FMN1: variants seen among roughly 807,000 people sequenced by gnomAD.
FMN1 encodes the protein formin 1, also known as formin-1.
A neutral mutation model predicts 132.4 loss-of-function variants in FMN1; 110 were observed. The observed-to-expected ratio is 0.83, with a 90% CI of 0.71 to 0.97. The LOEUF is 0.97. Ranked by LOEUF, FMN1 falls within the 50% of genes least tolerant of loss-of-function variation. The pLI is 0.00. For synonymous variants in FMN1, 722 were observed against 651.7 expected (o/e 1.11, Z -1.64); for missense variants, 1,792 against 1,705.3 (o/e 1.05, Z -0.90).
At chr15:32,819,838 G>C (rs1432078526) in intron 17 of FMN1, among the ~76,000 whole-genome samples, 1 of 152,042 alleles carries the variant, frequency 6.6e-6, no homozygotes, top group Non-Finnish European at 1.5e-5. Context: ...GTTATTATTG[G>C]CAATTATTTT....
rs1158293788 is a variant in FMN1 at position 32,969,213 on chromosome 15, G to A, written c.2488C>T (p.Pro830Ser). The change falls in exon 8 of 21, where the codon CCC becomes TCC. Residue 830 changes from proline to serine, a missense_variant. By Grantham distance (74) the Pro-to-Ser change is moderately conservative (BLOSUM62 -1). Transcript: ENST00000616417. The part of the protein sequence containing the change: ...SKTTRSNQLV[P>S]KKLNISSLSQ... ...AAAGAGGAGATATTCAGCTTTTTGGGTACTAATTGATTACTTCTGGTTGTC... is the reference window on the plus strand; with the variant it reads ...AAAGAGGAGATATTCAGCTTTTTGGATACTAATTGATTACTTCTGGTTGTC... 1 of 1,613,874 alleles carries A rather than the reference G, an allele frequency of 6.2e-7. No individual in the cohort carries two copies. The highest frequency in any genetic ancestry group is 8.5e-7 in the Non-Finnish European group (1 of 1,179,868).
At chr15:33,077,408 A>G (rs1367733783) in intron 5 of FMN1, among the ~76,000 whole-genome samples, 1 of 150,084 alleles carries the variant, frequency 6.7e-6, no homozygotes, top group African/African-American at 2.5e-5. Flanking sequence ...GAACATGTGC[A>G]CAACATGCAG....
intron 7 of FMN1, among the ~76,000 whole-genome samples, chr15:32,981,329 A>C (rs760304835): frequency 1.4e-4 from 21 of 151,894 alleles, no homozygotes; most frequent in Non-Finnish European, 2.8e-4. Flanking sequence ...GTCTCTACTA[A>C]AAATACGAAA....
chr15:33,004,522 T>G (rs1228010722), intron 7 of FMN1, among the ~76,000 whole-genome samples: 2 of 152,104 alleles, frequency 1.3e-5, no homozygotes, highest in Non-Finnish European at 2.9e-5. Context: ...ATGGCGATCA[T>G]TAAAGTCAGG....
chr15:32,838,982 C>T (rs749784167), intron 17 of FMN1, among the ~76,000 whole-genome samples: 3 of 152,114 alleles, frequency 2.0e-5, no homozygotes, highest in Non-Finnish European at 4.4e-5. Context: ...CTGACACAGC[C>T]ACTAATTGCC....
At chr15:32,784,372 G>C (rs1321700618) in intron 19 of FMN1, among the ~76,000 whole-genome samples, 1 of 150,202 alleles carries the variant, frequency 6.7e-6, no homozygotes, top group Non-Finnish European at 1.5e-5. Context: ...AAAGAGGTCT[G>C]CTTTTTTTTT....
At chr15:32,825,725 A>G (rs2058347582) in intron 17 of FMN1, among the ~76,000 whole-genome samples, 1 of 152,138 alleles carries the variant, frequency 6.6e-6, no homozygotes, top group South Asian at 2.1e-4. Flanking sequence ...GGCTGAAGAA[A>G]TTTTCTCTAT....
intron 15 of FMN1, among the ~76,000 whole-genome samples, chr15:32,898,256 C>A (rs2060207094): frequency 1.3e-5 from 2 of 152,178 alleles, no homozygotes; most frequent in South Asian, 2.1e-4. Context: ...TAACATCTTA[C>A]AACAATACCT....
intron 6 of FMN1, among the ~76,000 whole-genome samples, chr15:33,017,051 G>C (rs984739815): frequency 2.6e-5 from 4 of 151,870 alleles, no homozygotes; most frequent in African/African-American, 7.3e-5. Context: ...CATCAATATT[G>C]GCATCTCAAT....
rs1195972796 is a variant in FMN1 at position 32,965,244 on chromosome 15, C to G, written c.2988-987G>C. ...GAAACCCCATCTCTACTAAAAAATA[C>G]AAAAAATTAGCTGGGCGTGGTGGTG... On this transcript the variant is annotated intron_variant, in intron 8 of 20. Coordinates refer to ENST00000616417, the MANE Select transcript of FMN1 (RefSeq NM_001277313.2). 2.6e-5 allele frequency among the ~76,000 whole-genome samples: 4 copies of G among 151,926 alleles called. No homozygotes were observed. The East Asian group carries it at 7.8e-4, about 30-fold the overall frequency.
rs960971633 is a variant in FMN1 at position 32,886,685 on chromosome 15, A to C, written c.3835+1487T>G. ...GAGAGGTCAGGCCAAGGGTTTCACA[A>C]GGGGCCAAGAGACAAGAGGGAATGG... On this transcript the variant is annotated intron_variant, in intron 16 of 20. Transcript: ENST00000616417. 4.6e-5 allele frequency among the ~76,000 whole-genome samples: 7 copies of C among 152,326 alleles called. 1 individual carries two copies. Among genetic ancestry groups the C allele is most frequent in the Admixed American group, 3.9e-4 (6 of 15,306 alleles).
intron 19 of FMN1, among the ~76,000 whole-genome samples, chr15:32,788,827 T>G (rs961106865): frequency 6.6e-6 from 1 of 152,206 alleles, no homozygotes; most frequent in Non-Finnish European, 1.5e-5. Flanking sequence ...ACTTCCTTCT[T>G]TTTTTCTAAA....
intron 19 of FMN1, among the ~76,000 whole-genome samples, chr15:32,783,739 T>G (rs1382580449): frequency 1.3e-5 from 1 of 74,372 alleles, no homozygotes; most frequent in Non-Finnish European, 2.3e-5. Context: ...AGCGAGACTC[T>G]GTTTCAAAAA....
chr15:33,128,638 A>C (rs1174559617), intron 4 of FMN1, among the ~76,000 whole-genome samples: 5 of 152,210 alleles, frequency 3.3e-5, no homozygotes, highest in African/African-American at 1.2e-4. Flanking sequence ...TACAGCTCTT[A>C]AAGACGGTGC....
At chr15:32,970,071 T>A (rs1353064173) in intron 7 of FMN1, among the ~76,000 whole-genome samples, 1 of 152,148 alleles carries the variant, frequency 6.6e-6, no homozygotes, top group Non-Finnish European at 1.5e-5. Context: ...TAGCAATAAA[T>A]AAGGAACAGA....
chr15:32,941,622 A>G (rs1302871301), intron 9 of FMN1, among the ~76,000 whole-genome samples: 1 of 152,152 alleles, frequency 6.6e-6, no homozygotes, highest in Admixed American at 6.6e-5. Context: ...CCTCATATGC[A>G]TATTACCTGA....
Position 33,120,287 on chromosome 15 carries a change from A to G in FMN1, c.1868-31313T>C, listed in dbSNP as rs563086027. Among the ~76,000 whole-genome samples the G allele has an allele frequency of 3.3e-4, 50 of 152,324 alleles. 1 individual carries two copies. The highest frequency in any genetic ancestry group is 3.4e-3 in the Middle Eastern group (1 of 294). ...TTTACAAAACTTGGCACACCCTGCTAAAGATAGCAGATGTGCTAACTCCAG... is the reference window on the plus strand; with the variant it reads ...TTTACAAAACTTGGCACACCCTGCTGAAGATAGCAGATGTGCTAACTCCAG... On this transcript the variant is annotated intron_variant, in intron 4 of 20. Transcript: ENST00000616417.
chr15:32,881,840 C>A (rs774617485), intron 16 of FMN1, among the ~76,000 whole-genome samples: 5 of 152,168 alleles, frequency 3.3e-5, no homozygotes, highest in Non-Finnish European at 5.9e-5. Context: ...TTCTCATCTA[C>A]ATCAGGAGCC....
chr15:32,943,546 A>C (rs935218143), intron 9 of FMN1, among the ~76,000 whole-genome samples: 1 of 152,224 alleles, frequency 6.6e-6, no homozygotes, highest in African/African-American at 2.4e-5. Flanking sequence ...AGGTACCTTC[A>C]TAATGACTGT....
Sources: allele counts gnomAD v4.1 joint callset (sites outside exome capture counted in the v4.1 genomes callset), GRCh38; gene constraint gnomAD v4.1.1; transcripts MANE v1.5; gene names NCBI Gene and HGNC (gene_info 2026-07-23, HGNC 2026-07-21).